The following KIAA1217 variants were observed in gnomAD, a reference collection of about 807,000 sequenced individuals.
KIAA1217 encodes the protein sickle tail protein homolog.
A neutral mutation model predicts 163.9 loss-of-function variants in KIAA1217; 88 were observed. The ratio of observed to expected loss-of-function variants is 0.54; its 90% CI spans 0.45 to 0.64. The LOEUF is 0.64. Among genes scored for constraint, KIAA1217 ranks in the 30% least tolerant of loss-of-function variants. The pLI is 0.00. For synonymous variants in KIAA1217, 903 were observed against 923.1 expected (o/e 0.98, Z 0.39); for missense variants, 2,372 against 2,475.0 (o/e 0.96, Z 0.88).
chr10:23,904,199 G>A (rs1209868239), intron 1 of KIAA1217, among the ~76,000 whole-genome samples: 2 of 152,248 alleles, frequency 1.3e-5, no homozygotes, highest in Admixed American at 6.5e-5. Context: ...CAGAAAGAAA[G>A]TATTGCATAT....
intron 1 of KIAA1217, among the ~76,000 whole-genome samples, chr10:23,846,038 T>C (rs9753741): frequency 1.3e-5 from 2 of 152,106 alleles, no homozygotes; most frequent in Non-Finnish European, 2.9e-5. Flanking sequence ...GATCAGATGG[T>C]TGTAGATGTG....
chr10:24,481,968 TC>T (rs2064769269), intron 6 of KIAA1217: 1 of 152,200 alleles, frequency 6.6e-6, no homozygotes, highest in African/African-American at 2.4e-5. Context: ...GTTTTGCCAG[TC>T]TCAGAAATCA....
At chr10:23,964,177 C>T (rs563584864) in intron 1 of KIAA1217, among the ~76,000 whole-genome samples, 1 of 152,164 alleles carries the variant, frequency 6.6e-6, no homozygotes, top group African/African-American at 2.4e-5. Flanking sequence ...GCTAGGATTA[C>T]AGGCATGAGC....
chr10:23,780,740 G>T (rs1988516), intron 1 of KIAA1217, among the ~76,000 whole-genome samples: 21,405 of 152,172 alleles, frequency 0.14, 1,860 homozygotes, highest in Middle Eastern at 0.18. Flanking sequence ...GAGTGCAGTG[G>T]TGCCATCTCA....
At chr10:24,312,002 T>C (rs951171679) in intron 2 of KIAA1217, among the ~76,000 whole-genome samples, 1 of 152,168 alleles carries the variant, frequency 6.6e-6, no homozygotes, top group East Asian at 1.9e-4. Flanking sequence ...GGTGGAATTT[T>C]ATTTTCCTCC....
chr10:24,521,759 C>T, intron 11 of KIAA1217, 23 bp from the exon 12 acceptor site: 1 of 1,604,444 alleles, frequency 6.2e-7, no homozygotes, highest in African/African-American at 1.3e-5. Flanking sequence ...TCCTCCAATT[C>T]ACCTGCTGGT....
chr10:23,798,987 G>C (rs1283645149), intron 1 of KIAA1217, among the ~76,000 whole-genome samples: 1 of 152,140 alleles, frequency 6.6e-6, no homozygotes, highest in Non-Finnish European at 1.5e-5. Flanking sequence ...ATGTCAGCAG[G>C]GCCGGTTCCC....
At chr10:24,475,784 A>G (rs1409071989) in intron 6 of KIAA1217, among the ~76,000 whole-genome samples, 1 of 152,202 alleles carries the variant, frequency 6.6e-6, no homozygotes, top group South Asian at 2.1e-4. Context: ...CTGGAGAGGA[A>G]TCTACCAAGA....
At chr10:24,389,459 G>A (rs2054530045) in intron 3 of KIAA1217, among the ~76,000 whole-genome samples, 4 of 151,954 alleles carry the variant, frequency 2.6e-5, no homozygotes. Context: ...TAAATGATGA[G>A]TTAATGGGTG....
intron 1 of KIAA1217, among the ~76,000 whole-genome samples, chr10:23,998,991 C>T (rs991776523): frequency 6.6e-6 from 1 of 151,768 alleles, no homozygotes; most frequent in Non-Finnish European, 1.5e-5. Context: ...AATATGCAGA[C>T]TAGATCTCTA....
At chr10:24,539,521 G>A (rs932183667) in intron 17 of KIAA1217, among the ~76,000 whole-genome samples, 12 of 152,260 alleles carry the variant, frequency 7.9e-5, no homozygotes, top group South Asian at 2.1e-4. Context: ...GTGAGCCACC[G>A]TGCATTTCTA....
At chr10:24,110,050 T>C (rs949676282) in intron 2 of KIAA1217, among the ~76,000 whole-genome samples, 5 of 152,178 alleles carry the variant, frequency 3.3e-5, no homozygotes, top group Non-Finnish European at 7.3e-5. Flanking sequence ...TGGTTAATAA[T>C]TGTTTACAAA....
chr10:23,921,046 A>T (rs1814891529), intron 1 of KIAA1217, among the ~76,000 whole-genome samples: 1 of 152,178 alleles, frequency 6.6e-6, no homozygotes, highest in South Asian at 2.1e-4. Context: ...TGAGTCCATT[A>T]TACCTCTTTT....
intron 2 of KIAA1217, among the ~76,000 whole-genome samples, chr10:24,047,469 T>C (rs1271885149): frequency 6.6e-6 from 1 of 152,206 alleles, no homozygotes; most frequent in Non-Finnish European, 1.5e-5. Context: ...AGTTAATGTG[T>C]GTCCAGTGTT....
intron 1 of KIAA1217, among the ~76,000 whole-genome samples, chr10:23,988,553 G>C (rs1846080405): frequency 1.3e-5 from 2 of 152,100 alleles, no homozygotes; most frequent in South Asian, 4.1e-4. Flanking sequence ...TGGAGCATCA[G>C]AGAAAGACCA....
intron 1 of KIAA1217, among the ~76,000 whole-genome samples, chr10:23,859,917 C>T (rs181231612): frequency 6.6e-6 from 1 of 151,656 alleles, no homozygotes; most frequent in Non-Finnish European, 1.5e-5. Context: ...GTAAGACTTG[C>T]CTTTTGGTAT....
chr10:23,757,367 A>G (rs1190491674), intron 1 of KIAA1217, among the ~76,000 whole-genome samples: 2 of 151,958 alleles, frequency 1.3e-5, no homozygotes, highest in Admixed American at 6.6e-5. Flanking sequence ...TTTCTCTACA[A>G]CCCCACTAAC....
intron 8 of KIAA1217, among the ~76,000 whole-genome samples, chr10:24,497,711 C>A (rs1241911325): frequency 6.7e-6 from 1 of 148,852 alleles, no homozygotes; most frequent in African/African-American, 2.5e-5. Flanking sequence ...CAGAGCAAGA[C>A]CTTGTCTCAA....
Position 23,731,252 on chromosome 10 carries a change from T to C in KIAA1217, c.-321+36018T>C, listed in dbSNP as rs553543969. Among the ~76,000 whole-genome samples the C allele has an allele frequency of 3.3e-5, 5 of 152,218 alleles. No individual in the cohort carries two copies. In the East Asian group the frequency reaches 5.8e-4, roughly 18 times the overall value. On this transcript the variant is annotated intron_variant, in intron 1 of 18. Coordinates refer to the KIAA1217 transcript ENST00000376462. ...GAATGAGGTGGCTAAATATACATAC[T>C]CAATAAGCCATAGGAAAGTTCATGA...
Sources: gnomAD v4.1 joint callset for allele counts (sites outside exome capture counted in the v4.1 genomes callset) on GRCh38, gnomAD v4.1.1 for gene constraint, MANE v1.5 for transcripts, NCBI Gene and HGNC (gene_info 2026-07-23, HGNC 2026-07-21) for gene names.